The following AGAP1 variants were observed in gnomAD, a reference collection of about 807,000 sequenced individuals.
AGAP1 encodes the protein ArfGAP with GTPase domain, ankyrin repeat and PH domain 1.
In AGAP1, 29 loss-of-function variants were observed where a neutral mutation model predicts 105.3. The observed-to-expected ratio is 0.28, with a 90% CI of 0.21 to 0.38. The LOEUF is 0.38. Among genes scored for constraint, AGAP1 ranks in the 10% least tolerant of loss-of-function variants. The pLI is 1.00. For synonymous variants in AGAP1, 509 were observed against 485.9 expected, an observed-to-expected ratio of 1.05 and a Z score of -0.63; for missense variants, 998 against 1,165.1, an observed-to-expected ratio of 0.86 and a Z score of 2.09.
chr2:235,626,849 T>C (rs956371164), intron 1 of AGAP1, among the ~76,000 whole-genome samples: 4 of 152,218 alleles, frequency 2.6e-5, no homozygotes, highest in African/African-American at 2.4e-5. Flanking sequence ...ATGGCGTGTT[T>C]CAATAAAACT....
Position 235,919,159 on chromosome 2 carries a change from C to T in AGAP1, c.1324+10253C>T, listed in dbSNP as rs918379064. Among the ~76,000 whole-genome samples the T allele has an allele frequency of 1.3e-5, 2 of 152,036 alleles. No homozygotes were observed. The highest frequency in any genetic ancestry group is 2.4e-5 in the African/African-American group (1 of 41,392). Reference sequence around the variant, plus strand: ...CCCGGAAGAGCCTCTGTGAATTACCCGCGCCCCCTCCACCAGGGAGCCAGC... The same window carrying T: ...CCCGGAAGAGCCTCTGTGAATTACCTGCGCCCCCTCCACCAGGGAGCCAGC... On this transcript the variant is annotated intron_variant, in intron 11 of 17. Coordinates refer to ENST00000304032, the MANE Select transcript of AGAP1 (RefSeq NM_001037131.3). The surrounding 1 kb of genome is among the most constrained non-coding windows in gnomAD (Gnocchi z 4.1).
chr2:235,730,477 TAAAAAAAA>T (rs11388954), intron 3 of AGAP1, among the ~76,000 whole-genome samples: 1 of 123,888 alleles, frequency 8.1e-6, no homozygotes, highest in Non-Finnish European at 1.6e-5. Flanking sequence ...GTTTACCTTT[TAAAAAAAA>T]AAAAAAAAAA....
rs1386209878 is a variant in AGAP1 at position 235,612,520 on chromosome 2, ATACT to A, written c.164-96652_164-96649del. ...CCTTTGTACTTATTCAAACTGACAA[ATACT>A]TACTTAATAGCTGATTGTATTCAGG... On this transcript the variant is annotated intron_variant, in intron 1 of 17. Coordinates refer to ENST00000304032, the MANE Select transcript of AGAP1 (RefSeq NM_001037131.3). This position sits in a 1 kb window ranked among gnomAD's most constrained non-coding sequence, Gnocchi z 4.3. Among the ~76,000 whole-genome samples, 7 of 152,298 alleles carry A rather than the reference ATACT, an allele frequency of 4.6e-5. No individual in the cohort carries two copies. The highest frequency in any genetic ancestry group is 2.1e-4 in the South Asian group (1 of 4,828).
chr2:235,779,214 C>T (rs898438620), intron 6 of AGAP1, among the ~76,000 whole-genome samples: 1 of 152,146 alleles, frequency 6.6e-6, no homozygotes, highest in Admixed American at 6.5e-5. Flanking sequence ...GGAGAAAAAT[C>T]CTTGTAGACA....
Position 235,572,516 on chromosome 2 carries a change from C to T in AGAP1, c.163+77667C>T, listed in dbSNP as rs139142854. ...TGTCCTGCCTCCTGCGTCCTTTGCA[C>T]CATACCCCACAGGTCCTGCCACCCC... On this transcript the variant is annotated intron_variant, in intron 1 of 17. Transcript: ENST00000304032. 4.7e-3 allele frequency among the ~76,000 whole-genome samples: 712 copies of T among 152,232 alleles called. 2 individuals are homozygous for T. Among genetic ancestry groups the T allele is most frequent in the Non-Finnish European group, 5.5e-3 (371 of 68,014 alleles).
intron 6 of AGAP1, among the ~76,000 whole-genome samples, chr2:235,771,997 A>ACTTTT (rs377170250): frequency 2.6e-4 from 34 of 131,652 alleles, no homozygotes; most frequent in Non-Finnish European, 4.3e-4. Context: ...TTCTTTTCTT[A>ACTTTT]TCTTTTTTTT....
At chr2:235,603,532 G>C (rs1945810448) in intron 1 of AGAP1, among the ~76,000 whole-genome samples, 1 of 152,160 alleles carries the variant, frequency 6.6e-6, no homozygotes, top group Admixed American at 6.5e-5. Flanking sequence ...AGAATGACTA[G>C]TTACACAGTT....
At chr2:235,638,810 G>T (rs773893082) in intron 1 of AGAP1, among the ~76,000 whole-genome samples, 2 of 152,220 alleles carry the variant, frequency 1.3e-5, no homozygotes, top group African/African-American at 2.4e-5. Flanking sequence ...GAGGGCTGGC[G>T]TGGGCCTCAG....
At position 236,051,738 on chromosome 2, in the gene AGAP1, G is replaced by C. The variant is rs1325595317; in HGVS notation, c.2114+2457G>C. On this transcript the variant is annotated intron_variant, in intron 16 of 17. Coordinates refer to ENST00000304032, the MANE Select transcript of AGAP1 (RefSeq NM_001037131.3). The surrounding 1 kb of genome is among the most constrained non-coding windows in gnomAD (Gnocchi z 5.9). ...AGGGGAAGGGTTTGTCTATTCATGG[G>C]TTCTGTCTGTCCCACCTGTTCCCAA... Among the ~76,000 whole-genome samples, 1 of 152,176 alleles carries C rather than the reference G, an allele frequency of 6.6e-6. No homozygotes were observed. Among genetic ancestry groups the C allele is most frequent in the Non-Finnish European group, 1.5e-5 (1 of 68,014 alleles).
At chr2:235,834,455 C>T (rs1293571339) in intron 9 of AGAP1, among the ~76,000 whole-genome samples, 1 of 152,196 alleles carries the variant, frequency 6.6e-6, no homozygotes, top group Non-Finnish European at 1.5e-5. Context: ...GTCCTGTCCT[C>T]GTGCACCCAC....
Position 235,981,475 on chromosome 2 carries a change from G to A in AGAP1, c.1645+12852G>A, listed in dbSNP as rs1039062336. Among the ~76,000 whole-genome samples the A allele has an allele frequency of 7.1e-6, 1 of 140,728 alleles. No homozygotes were observed. Among genetic ancestry groups the A allele is most frequent in the Non-Finnish European group, 1.6e-5 (1 of 63,078 alleles). 92.3% of individuals were successfully genotyped at this position (140,728 alleles called of 152,430 possible). On this transcript the variant is annotated intron_variant, in intron 13 of 17. Coordinates refer to ENST00000304032, the MANE Select transcript of AGAP1 (RefSeq NM_001037131.3). This position sits in a 1 kb window ranked among gnomAD's most constrained non-coding sequence, Gnocchi z 5.5. ...TACACACACACACACACACACACAC[G>A]GTGTTATTTTTTTTCTTTCTGAATT...
chr2:235,562,606 A>G (rs2149138751), intron 1 of AGAP1, among the ~76,000 whole-genome samples: 1 of 152,166 alleles, frequency 6.6e-6, no homozygotes, highest in African/African-American at 2.4e-5. Flanking sequence ...AGTCCTTCAC[A>G]AAACCCTCCT....
At position 235,987,506 on chromosome 2, in the gene AGAP1, A is replaced by AT. The variant is rs3030714; in HGVS notation, c.1645+18901dup. Among the ~76,000 whole-genome samples, 1,434 of 120,190 alleles carry AT rather than the reference A, an allele frequency of 0.012. 57 individuals are homozygous for AT. In the East Asian group the frequency reaches 0.15, roughly 12 times the overall value. The allele number at this position is 120,190 out of a possible 152,430, so 78.8% of individuals were successfully genotyped here. On this transcript the variant is annotated intron_variant, in intron 13 of 17. Transcript: ENST00000304032. Reference sequence around the variant, plus strand: ...AAAAAACCAGCTACTGGATTCATTGATTTTTTTTTTTTTTTTTTGGAGGGT... The same window carrying AT: ...AAAAAACCAGCTACTGGATTCATTGATTTTTTTTTTTTTTTTTTTGGAGGGT...
intron 1 of AGAP1, among the ~76,000 whole-genome samples, chr2:235,681,150 A>G (rs1559342972): frequency 6.6e-6 from 1 of 152,162 alleles, no homozygotes; most frequent in African/African-American, 2.4e-5. Context: ...CTGGGAATAC[A>G]GGTGCCCACC....
chr2:235,891,373 T>C lies in AGAP1; in HGVS notation c.1155+7924T>C, dbSNP rs1225742053. ...TTAAAAAGCCCTAACTGCTTAACTT[T>C]CTTGGGGGAAATATATATGAGTGTC... On this transcript the variant is annotated intron_variant, in intron 10 of 17. Coordinates refer to ENST00000304032, the MANE Select transcript of AGAP1 (RefSeq NM_001037131.3). This position sits in a 1 kb window ranked among gnomAD's most constrained non-coding sequence, Gnocchi z 4.2. 6.6e-6 allele frequency among the ~76,000 whole-genome samples: 1 copy of C among 152,140 alleles called. No individual in the cohort carries two copies. The highest frequency in any genetic ancestry group is 2.4e-5 in the African/African-American group (1 of 41,422).
In AGAP1 at chr2:235,582,785, A is replaced by C. The variant is rs1007484782; in HGVS notation, c.163+87936A>C. 2.6e-5 allele frequency among the ~76,000 whole-genome samples: 4 copies of C among 152,224 alleles called. No homozygotes were observed. The highest frequency in any genetic ancestry group is 5.9e-5 in the Non-Finnish European group (4 of 68,038). ...TAGCAGGAGTTGGCACTTGAGTCCC[A>C]CGTCCTAGCCTCCCGGCATCACAGC... On this transcript the variant is annotated intron_variant, in intron 1 of 17. Transcript: ENST00000304032. The surrounding 1 kb of genome is among the most constrained non-coding windows in gnomAD (Gnocchi z 4.7).
At chr2:236,065,932 G>A (rs1238235569) in intron 16 of AGAP1, among the ~76,000 whole-genome samples, 1 of 152,230 alleles carries the variant, frequency 6.6e-6, no homozygotes, top group Non-Finnish European at 1.5e-5. Context: ...CTGTTGTGCT[G>A]AGATTCTAGG....
chr2:235,923,025 G>A (rs1315881591), intron 11 of AGAP1, among the ~76,000 whole-genome samples: 1 of 152,206 alleles, frequency 6.6e-6, no homozygotes, highest in Non-Finnish European at 1.5e-5. Context: ...GGCGCAGCGA[G>A]GACATGGATT....
At chr2:235,641,181 C>T (rs2149305624) in intron 1 of AGAP1, among the ~76,000 whole-genome samples, 1 of 152,298 alleles carries the variant, frequency 6.6e-6, no homozygotes, top group East Asian at 1.9e-4. Flanking sequence ...TACACTTTAT[C>T]TGAAACAATG....
Sources: gnomAD v4.1 joint callset for allele counts (sites outside exome capture counted in the v4.1 genomes callset) on GRCh38, gnomAD v4.1.1 for gene constraint, Gnocchi (gnomAD v3.1) non-coding constraint, MANE v1.5 for transcripts, NCBI Gene and HGNC (gene_info 2026-07-23, HGNC 2026-07-21) for gene names.